Variants in DMD observed in about 807,000 individuals in gnomAD.
DMD encodes the protein mutant dystrophin.
In DMD, 63 loss-of-function variants were observed where a neutral mutation model predicts 330.1. The observed-to-expected ratio is 0.19, with a 90% CI of 0.16 to 0.24. The LOEUF (loss-of-function observed/expected upper bound fraction) is 0.24, where lower values mean the gene tolerates loss of function less well. Among genes scored for constraint, DMD ranks in the 10% least tolerant of loss-of-function variants. The pLI, the probability that DMD is intolerant of heterozygous loss-of-function variation, is 1.00. For missense variants in DMD, 3,344 were observed against 2,684.1 expected, an observed-to-expected ratio of 1.25 and a Z score of -5.43; for synonymous variants, 1,223 against 959.8, an observed-to-expected ratio of 1.27 and a Z score of -5.07.
chrX:32,491,235 C>G, intron 20 of DMD, 42 bp downstream of exon 20: 1 of 1,202,452 alleles, frequency 8.3e-7, no homozygotes. Flanking sequence ...CCAAGAAATA[C>G]CTATTGATTA....
At chrX:31,748,792 T>C (rs752982096) in intron 51 of DMD, among the ~76,000 whole-genome samples, 25 of 111,735 alleles carry the variant, frequency 2.2e-4, no homozygotes, top group Non-Finnish European at 4.3e-4. Context: ...CACCCTTTTA[T>C]AGACAAGGAA....
chrX:32,617,030 C>T (rs371816837), intron 11 of DMD, among the ~76,000 whole-genome samples: 10 of 109,709 alleles, frequency 9.1e-5, no homozygotes, highest in East Asian at 5.8e-4. Context: ...TTGAGATGAC[C>T]GCTGTTCATG....
intron 44 of DMD, among the ~76,000 whole-genome samples, chrX:32,181,997 G>A (rs1486290356): frequency 9.0e-6 from 1 of 111,680 alleles, no homozygotes; most frequent in African/African-American, 3.3e-5. Flanking sequence ...TTCCAGTTTC[G>A]CATTTTAATC....
intron 47 of DMD, among the ~76,000 whole-genome samples, chrX:31,927,030 C>A (rs1186282526): frequency 8.9e-6 from 1 of 111,778 alleles, no homozygotes; most frequent in African/African-American, 3.2e-5. Context: ...TTTTCTTTTA[C>A]TTTTAAAAAA....
chrX:33,165,614 A>C (rs1255774312), intron 1 of DMD, among the ~76,000 whole-genome samples: 1 of 111,799 alleles, frequency 8.9e-6, no homozygotes, highest in Non-Finnish European at 1.9e-5. Context: ...AAAGACAAAT[A>C]ATACAGCTCA....
chrX:32,787,245 TGTGAGAGAGAGAGA>T (rs1378405493), intron 7 of DMD, among the ~76,000 whole-genome samples: 2 of 81,367 alleles, frequency 2.5e-5, no homozygotes, highest in African/African-American at 4.4e-5. Flanking sequence ...TGTGTGTGTG[TGTGAGAGAGAGAGA>T]GAGAGAGAGA....
At chrX:31,775,055 A>T (rs5927856) in intron 50 of DMD, among the ~76,000 whole-genome samples, 30,400 of 110,138 alleles carry the variant, frequency 0.28, 3,291 homozygotes, top group African/African-American at 0.37. Flanking sequence ...CAGTTCTAAC[A>T]TTTGTTCAGT....
intron 60 of DMD, among the ~76,000 whole-genome samples, chrX:31,380,586 C>A (rs780541347): frequency 4.1e-4 from 46 of 111,252 alleles, no homozygotes; most frequent in African/African-American, 1.4e-3. Flanking sequence ...CCTTACAATT[C>A]CCCCATTTTA....
intron 44 of DMD, among the ~76,000 whole-genome samples, chrX:32,073,839 A>G: frequency 9.0e-6 from 1 of 111,627 alleles, no homozygotes; most frequent in East Asian, 2.8e-4. Flanking sequence ...GTTAAGTATA[A>G]GAACCCATTT....
At chrX:32,058,544 C>A (rs2096198285) in intron 44 of DMD, among the ~76,000 whole-genome samples, 1 of 100,289 alleles carries the variant, frequency 1.0e-5, no homozygotes, top group African/African-American at 3.7e-5. Context: ...TATACTACCT[C>A]ACGGATTAGG....
At chrX:32,417,894 C>T (rs1056991900) in intron 29 of DMD, among the ~76,000 whole-genome samples, 6 of 108,348 alleles carry the variant, frequency 5.5e-5, no homozygotes, top group Non-Finnish European at 1.1e-4. Flanking sequence ...AGACATTTGC[C>T]TATTTTCCTT....
At chrX:32,292,299 A>ATTTTTTTTTTTTTTT (rs1355530949) in intron 42 of DMD, among the ~76,000 whole-genome samples, 8 of 30,839 alleles carry the variant, frequency 2.6e-4, no homozygotes, top group African/African-American at 9.4e-4. Flanking sequence ...CAAAGGGAAT[A>ATTTTTTTTTTTTTTT]TTCTTTTTTT....
chrX:33,234,972 G>C (rs1395657576), intron 1 of DMD, among the ~76,000 whole-genome samples: 1 of 111,568 alleles, frequency 9.0e-6, no homozygotes, highest in Non-Finnish European at 1.9e-5. Context: ...CCTCAGCATG[G>C]GCTTCAGCCC....
At chrX:31,524,592 T>C (rs770658536) in intron 55 of DMD, among the ~76,000 whole-genome samples, 6 of 111,689 alleles carry the variant, frequency 5.4e-5, no homozygotes, top group Non-Finnish European at 9.4e-5. Flanking sequence ...AATGGCTTCA[T>C]TAGAAAAAAT....
chrX:31,477,280 A>G (rs1222403800), intron 59 of DMD, among the ~76,000 whole-genome samples: 1 of 111,521 alleles, frequency 9.0e-6, no homozygotes, highest in African/African-American at 3.3e-5. Flanking sequence ...CTAGAAAAAT[A>G]TAGGAAGAAG....
At chrX:33,249,442 T>C (rs780865801) in intron 1 of DMD, among the ~76,000 whole-genome samples, 17 of 112,506 alleles carry the variant, frequency 1.5e-4, no homozygotes, top group African/African-American at 5.5e-4. Flanking sequence ...TGAGCCACCA[T>C]GCCTGGCCAA....
chrX:31,338,581 G>A (rs2057539596), intron 61 of DMD, among the ~76,000 whole-genome samples: 1 of 110,918 alleles, frequency 9.0e-6, no homozygotes. Flanking sequence ...TTAACTCCTT[G>A]ACCAGCATCC....
intron 7 of DMD, among the ~76,000 whole-genome samples, chrX:32,800,765 G>A (rs1437361571): frequency 9.1e-6 from 1 of 110,240 alleles, no homozygotes; most frequent in Non-Finnish European, 1.9e-5. Flanking sequence ...TCTTCTGGTT[G>A]TTCAACTCCG....
intron 44 of DMD, among the ~76,000 whole-genome samples, chrX:32,058,532 G>A (rs2096198028): frequency 1.1e-5 from 1 of 94,489 alleles, no homozygotes; most frequent in African/African-American, 4.0e-5. Flanking sequence ...AATCCACAAT[G>A]ATATACTACC....
Sources: allele counts gnomAD v4.1 joint callset (sites outside exome capture counted in the v4.1 genomes callset), GRCh38; gene constraint gnomAD v4.1.1; transcripts MANE v1.5; gene names NCBI Gene and HGNC (gene_info 2026-07-23, HGNC 2026-07-21).